The following DCLK2 variants were observed in gnomAD, a reference collection of about 807,000 sequenced individuals.
The protein encoded by DCLK2 is doublecortin like kinase 2, also known as serine/threonine-protein kinase DCLK2.
DCLK2 carries 31 observed loss-of-function variants against 78.4 expected under a neutral mutation model. The ratio of observed to expected loss-of-function variants is 0.40; its 90% CI spans 0.30 to 0.53. The LOEUF (loss-of-function observed/expected upper bound fraction) is 0.53, where lower values mean the gene tolerates loss of function less well. DCLK2 is among the 20% of genes least tolerant of loss of function. The pLI, the probability that DCLK2 is intolerant of heterozygous loss-of-function variation, is 0.61. For missense variants in DCLK2, 872 were observed against 973.7 expected, an observed-to-expected ratio of 0.90 and a Z score of 1.39; for synonymous variants, 407 against 374.9, an observed-to-expected ratio of 1.09 and a Z score of -0.99.
intron 2 of DCLK2, among the ~76,000 whole-genome samples, chr4:150,118,981 C>T (rs529289899): frequency 1.3e-5 from 2 of 152,096 alleles, no homozygotes; most frequent in South Asian, 2.1e-4. Flanking sequence ...GCTGAGATCA[C>T]GCCACTGCAC....
At chr4:150,182,094 C>T (rs1656102690) in intron 2 of DCLK2, among the ~76,000 whole-genome samples, 1 of 151,658 alleles carries the variant, frequency 6.6e-6, no homozygotes, top group Non-Finnish European at 1.5e-5. Context: ...CTTGTCCAGG[C>T]TGGAGTGCTG....
intron 2 of DCLK2, among the ~76,000 whole-genome samples, chr4:150,180,002 A>C (rs1254108219): frequency 2.0e-5 from 3 of 152,222 alleles, no homozygotes. Context: ...CATTTACTCC[A>C]TAAAAGTAAG....
intron 2 of DCLK2, among the ~76,000 whole-genome samples, chr4:150,120,883 A>G (rs886698808): frequency 2.0e-5 from 3 of 152,174 alleles, no homozygotes; most frequent in African/African-American, 7.2e-5. Flanking sequence ...AGCCTGGCCA[A>G]CATGGTGAAA....
In DCLK2 at chr4:150,193,327, G is replaced by A; in HGVS notation, c.859+87G>A. 10 of 785,204 alleles carry A rather than the reference G, an allele frequency of 1.3e-5. No individual in the cohort carries two copies. The Middle Eastern group carries it at 2.4e-3, about 189-fold the overall frequency. The allele number at this position is 785,204 out of a possible 1,614,324, so 48.6% of individuals were successfully genotyped here. On this transcript the variant is annotated intron_variant, in intron 3 of 15. Coordinates refer to ENST00000296550, the MANE Select transcript of DCLK2 (RefSeq NM_001040260.4). ...GGATTTAGCCACTCAGTTGGTGCAT[G>A]TTAAGAAGTCTGACATGTTGAGGAA...
At chr4:150,155,456 C>T (rs906784115) in intron 2 of DCLK2, among the ~76,000 whole-genome samples, 2 of 152,116 alleles carry the variant, frequency 1.3e-5, no homozygotes, top group Non-Finnish European at 2.9e-5. Flanking sequence ...TTGTATGCAG[C>T]AAAGCGCTAG....
chr4:150,256,088 G>T lies in DCLK2; in HGVS notation c.2142G>T (p.Gly714=). ...ACTGTCAAGACAGCGGCAGGCCTGGGATGGAGCCCATCTCTCCAGTTCCTC... is the reference window on the plus strand; with the variant it reads ...ACTGTCAAGACAGCGGCAGGCCTGGTATGGAGCCCATCTCTCCAGTTCCTC... ...SKHCQDSGRP[G]MEPISPVPPS... is the part of the protein sequence containing the mutation. Residue 714 remains glycine (G), a synonymous_variant, in exon 16 of 16, where the codon GGG becomes GGT. Coordinates refer to ENST00000296550, the MANE Select transcript of DCLK2 (RefSeq NM_001040260.4). 6.2e-7 allele frequency: 1 copy of T among 1,613,136 alleles called. No individual in the cohort carries two copies. Among genetic ancestry groups the T allele is most frequent in the Non-Finnish European group, 8.5e-7 (1 of 1,179,932 alleles).
chr4:150,248,376 C>T lies in DCLK2; in HGVS notation c.1947C>T (p.Pro649=). 6.2e-7 allele frequency: 1 copy of T among 1,613,812 alleles called. No individual in the cohort carries two copies. The highest frequency in any genetic ancestry group is 1.7e-5 in the Admixed American group (1 of 60,030). Residue 649 remains proline (P), a synonymous_variant, in exon 14 of 16, where the codon CCC becomes CCT. Coordinates refer to ENST00000296550, the MANE Select transcript of DCLK2 (RefSeq NM_001040260.4). ...RCTAGQILSH[P]WVSDDASQEN... ...CCGCGGGACAAATCCTGAGTCACCC[C>T]TGGGTGTCAGTAAGTACCCACATTC...
intron 1 of DCLK2, among the ~76,000 whole-genome samples, chr4:150,088,989 G>A (rs1460351336): frequency 6.6e-6 from 1 of 152,150 alleles, no homozygotes; most frequent in African/African-American, 2.4e-5. Flanking sequence ...TCACTGTTTT[G>A]CTTTGTTGCT....
intron 8 of DCLK2, among the ~76,000 whole-genome samples, chr4:150,226,464 G>A (rs762216812): frequency 8.6e-5 from 13 of 151,582 alleles, no homozygotes; most frequent in African/African-American, 2.2e-4. Context: ...TAAGCAGAAC[G>A]TATCATAATT....
At chr4:150,095,604 A>G (rs914967831) in intron 1 of DCLK2, among the ~76,000 whole-genome samples, 12 of 152,156 alleles carry the variant, frequency 7.9e-5, no homozygotes, top group South Asian at 2.1e-4. Context: ...TAGAGTGTCT[A>G]TGTGAATGAG....
intron 8 of DCLK2, among the ~76,000 whole-genome samples, chr4:150,226,600 G>A (rs1470339658): frequency 6.6e-6 from 1 of 151,648 alleles, no homozygotes; most frequent in Non-Finnish European, 1.5e-5. Flanking sequence ...TCCATGGTTG[G>A]AAAAAAAAGG....
chr4:150,080,536 C>T (rs935863199), intron 1 of DCLK2, among the ~76,000 whole-genome samples: 4 of 152,192 alleles, frequency 2.6e-5, no homozygotes, highest in Non-Finnish European at 2.9e-5. Flanking sequence ...ATGCAAATGG[C>T]ACATTCCATG....
At position 150,102,733 on chromosome 4, in the gene DCLK2, A is replaced by G. The variant is rs1451992157; in HGVS notation, c.677A>G (p.Gln226Arg). 3 of 1,614,058 alleles carry G rather than the reference A, an allele frequency of 1.9e-6. No individual in the cohort carries two copies. The highest frequency in any genetic ancestry group is 3.3e-5 in the Admixed American group (2 of 60,008). ...LNKKTAHSFE[Q>R]VLTDITEAIK... ...AAAAAGACTGCTCATTCCTTTGAAC[A>G]AGTCTTAACAGATATCACCGAAGCC... Residue 226 changes from glutamine to arginine, a missense_variant, in exon 2 of 16, where the codon CAA (glutamine) becomes CGA (arginine). Coordinates refer to ENST00000296550, the MANE Select transcript of DCLK2 (RefSeq NM_001040260.4).
chr4:150,240,377 C>G (rs763140776), intron 11 of DCLK2, 22 bp from the exon 12 acceptor site: 1 of 1,612,606 alleles, frequency 6.2e-7, no homozygotes, highest in Non-Finnish European at 8.5e-7. Context: ...TTCTCTCCCC[C>G]TCACCCACTT....
Position 150,078,969 on chromosome 4 carries a change from C to A in DCLK2, c.-59C>A. 4 of 1,474,532 alleles carry A rather than the reference C, an allele frequency of 2.7e-6. No individual in the cohort carries two copies. Among genetic ancestry groups the A allele is most frequent in the Non-Finnish European group, 3.6e-6 (4 of 1,113,466 alleles). 91.3% of individuals were successfully genotyped at this position (1,474,532 alleles called of 1,614,324 possible). ...TCGCAGTCAGACGTCCCTGCACCGG[C>A]GCTCGCACCCTTAGTCGGCCCGGAA... On this transcript the variant is annotated 5_prime_UTR_variant, in exon 1 of 16. Transcript: ENST00000296550.
intron 10 of DCLK2, among the ~76,000 whole-genome samples, chr4:150,237,587 C>G (rs1180334169): frequency 1.3e-5 from 2 of 152,072 alleles, no homozygotes; most frequent in African/African-American, 2.4e-5. Flanking sequence ...CAGTGCCGTC[C>G]TCTTTAAAAT....
intron 2 of DCLK2, among the ~76,000 whole-genome samples, chr4:150,168,115 G>A (rs965575041): frequency 3.3e-5 from 5 of 152,126 alleles, no homozygotes; most frequent in Non-Finnish European, 7.4e-5. Context: ...AGGCCAAGGC[G>A]GGCGGATCAC....
intron 5 of DCLK2, among the ~76,000 whole-genome samples, chr4:150,217,773 T>C (rs1339936009): frequency 6.6e-6 from 1 of 152,222 alleles, no homozygotes; most frequent in African/African-American, 2.4e-5. Context: ...TTCATGCTTT[T>C]TTCTTCTCTT....
At chr4:150,094,174 C>T (rs1323754487) in intron 1 of DCLK2, among the ~76,000 whole-genome samples, 1 of 152,086 alleles carries the variant, frequency 6.6e-6, no homozygotes, top group East Asian at 1.9e-4. Context: ...ACCAAAAGTA[C>T]CAGCAACAAA....
Sources: gnomAD v4.1 joint callset for allele counts (sites outside exome capture counted in the v4.1 genomes callset) on GRCh38, gnomAD v4.1.1 for gene constraint, MANE v1.5 for transcripts, NCBI Gene and HGNC (gene_info 2026-07-23, HGNC 2026-07-21) for gene names.